SCP2: variants seen among roughly 807,000 people sequenced by gnomAD.
SCP2 encodes sterol carrier protein 2.
In SCP2, 48 loss-of-function variants were observed where a neutral mutation model predicts 71.4. The ratio of observed to expected loss-of-function variants is 0.67; its 90% CI spans 0.53 to 0.86. The LOEUF (loss-of-function observed/expected upper bound fraction) is 0.86, where lower values mean the gene tolerates loss of function less well. Ranked by LOEUF, SCP2 falls within the 40% of genes least tolerant of loss-of-function variation. SCP2 has a pLI of 0.00. For missense variants in SCP2, 560 were observed against 655.6 expected, an observed-to-expected ratio of 0.85 and a Z score of 1.59; for synonymous variants, 220 against 218.1, an observed-to-expected ratio of 1.01 and a Z score of -0.08.
At chr1:53,046,997 C>T (rs1663863352) in intron 14 of SCP2, among the ~76,000 whole-genome samples, 1 of 152,224 alleles carries the variant, frequency 6.6e-6, no homozygotes, top group South Asian at 2.1e-4. Context: ...CACAAGGCTA[C>T]AGTTAAGCTT....
intron 6 of SCP2, among the ~76,000 whole-genome samples, chr1:52,964,154 G>A (rs781298544): frequency 2.0e-5 from 3 of 150,712 alleles, no homozygotes; most frequent in Non-Finnish European, 3.0e-5. Flanking sequence ...ATTATAATTT[G>A]AAATTAAATT....
Position 53,027,965 on chromosome 1 carries a change from C to T in SCP2, c.1236-4C>T. 2 of 1,532,118 alleles carry T rather than the reference C, an allele frequency of 1.3e-6. No homozygotes were observed. Among genetic ancestry groups the T allele is most frequent in the South Asian group, 1.1e-5 (1 of 89,294 alleles). The allele number at this position is 1,532,118 out of a possible 1,614,324, so 94.9% of individuals were successfully genotyped here. ...CATGAATTGAAACAGTTTCTTTTCC[C>T]CAGTTCTTTTAGAACTCATCAAATT... On this transcript the variant is annotated splice_polypyrimidine_tract_variant and splice_region_variant and intron_variant, in intron 12 of 15. Transcript: ENST00000371514.
intron 11 of SCP2, among the ~76,000 whole-genome samples, chr1:52,997,210 C>T (rs1167076772): frequency 1.3e-5 from 2 of 152,034 alleles, no homozygotes; most frequent in African/African-American, 4.8e-5. Flanking sequence ...ACTCTGTCCC[C>T]GAGGTTAGAG....
At chr1:52,947,053 T>G (rs1410195884) in intron 2 of SCP2, among the ~76,000 whole-genome samples, 1 of 138,950 alleles carries the variant, frequency 7.2e-6, no homozygotes, top group African/African-American at 2.7e-5. Flanking sequence ...AGAGCAAGAC[T>G]CTGTCTCGAA....
chr1:53,028,001 C>T lies in SCP2; in HGVS notation c.1268C>T (p.Pro423Leu), dbSNP rs1662256783. ...AGAACTCATCAAATTGAAGCTGTTC[C>T]AACCAGCTCTGCAAGTGATGGATTT... ...SFRTHQIEAVPTSSASDGFKA... is the reference protein window; with the variant it reads ...SFRTHQIEAVLTSSASDGFKA... The change falls in exon 13 of 16, where the codon CCA becomes CTA. Residue 423 changes from proline to leucine, a missense_variant. By Grantham distance (98) the Pro-to-Leu change is moderately conservative. Around this residue, in one of 3 missense-constraint regions of SCP2, gnomAD observed 513 missense variants for 573.1 expected, o/e 0.90. Coordinates refer to ENST00000371514, the MANE Select transcript of SCP2 (RefSeq NM_002979.5). The T allele has an allele frequency of 1.2e-6, 2 of 1,610,558 alleles. No homozygotes were observed. The highest frequency in any genetic ancestry group is 1.1e-5 in the South Asian group (1 of 90,972).
chr1:52,931,905 A>C (rs945771742), intron 1 of SCP2, among the ~76,000 whole-genome samples: 1 of 152,308 alleles, frequency 6.6e-6, no homozygotes, highest in African/African-American at 2.4e-5. Context: ...GATAAGTGAA[A>C]ATATTACATC....
At chr1:53,046,202 A>G (rs1415609617) in intron 14 of SCP2, among the ~76,000 whole-genome samples, 1 of 152,092 alleles carries the variant, frequency 6.6e-6, no homozygotes, top group Non-Finnish European at 1.5e-5. Context: ...TTCATATAGT[A>G]TGTGTATGTT....
At chr1:52,934,241 T>C (rs1653439598) in intron 1 of SCP2, among the ~76,000 whole-genome samples, 1 of 152,236 alleles carries the variant, frequency 6.6e-6, no homozygotes. Context: ...TTTCTAAAGA[T>C]AAAATTTGGG....
At chr1:52,984,250 TG>T (rs1034840636) in intron 10 of SCP2, among the ~76,000 whole-genome samples, 114 of 152,242 alleles carry the variant, frequency 7.5e-4, no homozygotes, top group African/African-American at 2.6e-3. Context: ...TGCTCAACCT[TG>T]GGGCAAAGCT....
chr1:53,001,436 T>C (rs765810415), intron 11 of SCP2, among the ~76,000 whole-genome samples: 6 of 152,210 alleles, frequency 3.9e-5, no homozygotes, highest in Non-Finnish European at 5.9e-5. Flanking sequence ...ACAGGTTTAA[T>C]TCCTTCTTGC....
chr1:53,030,627 C>T (rs1001405944), intron 13 of SCP2, among the ~76,000 whole-genome samples: 11 of 152,144 alleles, frequency 7.2e-5, no homozygotes, highest in Non-Finnish European at 1.0e-4. Context: ...CACAGTGGCA[C>T]ACCCCTGTAA....
At chr1:52,930,632 A>C (rs1653065656) in intron 1 of SCP2, among the ~76,000 whole-genome samples, 1 of 152,090 alleles carries the variant, frequency 6.6e-6, no homozygotes, top group Non-Finnish European at 1.5e-5. Flanking sequence ...GTCTCAAAAA[A>C]AAAGTGCTGC....
At chr1:52,934,484 G>A (rs1653481925) in intron 1 of SCP2, among the ~76,000 whole-genome samples, 1 of 148,200 alleles carries the variant, frequency 6.7e-6, no homozygotes, top group Admixed American at 6.7e-5. Context: ...ACTCATTTAT[G>A]GATCCATTGA....
intron 11 of SCP2, among the ~76,000 whole-genome samples, chr1:53,001,882 T>A (rs1453512150): frequency 6.6e-6 from 1 of 152,144 alleles, no homozygotes; most frequent in African/African-American, 2.4e-5. Context: ...TTATAGGCTT[T>A]AAAAAAATCT....
chr1:52,963,276 A>T (rs1052395917), intron 6 of SCP2, among the ~76,000 whole-genome samples: 1 of 152,234 alleles, frequency 6.6e-6, no homozygotes, highest in South Asian at 2.1e-4. Context: ...TTATTAGTCT[A>T]TAAACTCCAC....
intron 2 of SCP2, among the ~76,000 whole-genome samples, chr1:52,944,325 TG>T (rs576800653): frequency 3.2e-4 from 48 of 152,306 alleles, no homozygotes; most frequent in African/African-American, 1.1e-3. Context: ...ACTTTTTTTT[TG>T]TTTTCTTTTT....
At chr1:53,025,314 T>C (rs563839839) in intron 12 of SCP2, among the ~76,000 whole-genome samples, 40 of 152,294 alleles carry the variant, frequency 2.6e-4, no homozygotes, top group Non-Finnish European at 4.9e-4. Flanking sequence ...GGCATTGTGC[T>C]GGACTCTCTT....
intron 11 of SCP2, among the ~76,000 whole-genome samples, chr1:53,002,232 C>T (rs1660365079): frequency 6.6e-6 from 1 of 151,940 alleles, no homozygotes; most frequent in African/African-American, 2.4e-5. Flanking sequence ...AATATCTTCC[C>T]TATTTAAGAG....
intron 14 of SCP2, among the ~76,000 whole-genome samples, chr1:53,045,504 C>A (rs1318997181): frequency 1.3e-5 from 2 of 152,140 alleles, no homozygotes; most frequent in East Asian, 3.8e-4. Flanking sequence ...TATGAATATT[C>A]TTATAGATGT....
Sources: gnomAD v4.1 joint callset for allele counts (sites outside exome capture counted in the v4.1 genomes callset) on GRCh38, gnomAD v4.1.1 for gene constraint, gnomAD v4.1.1 regional missense constraint, MANE v1.5 for transcripts, NCBI Gene and HGNC (gene_info 2026-07-23, HGNC 2026-07-21) for gene names.